Variants in ZNF385D observed in about 807,000 individuals in gnomAD.
ZNF385D encodes zinc finger protein 385D.
Under a neutral mutation model 35.8 loss-of-function variants are expected in ZNF385D, and 15 were observed. That is an observed-to-expected ratio of 0.42 (90% CI 0.28 to 0.64). The LOEUF (loss-of-function observed/expected upper bound fraction) is 0.64. Among genes scored for constraint, ZNF385D ranks in the 30% least tolerant of loss-of-function variants. ZNF385D has a pLI of 0.23. For synonymous variants in ZNF385D, 212 were observed against 186.8 expected, an observed-to-expected ratio of 1.13 and a Z score of -1.10; for missense variants, 474 against 494.6, an observed-to-expected ratio of 0.96 and a Z score of 0.39.
intron 2 of ZNF385D, among the ~76,000 whole-genome samples, chr3:22,261,685 G>C (rs139224234): frequency 6.6e-6 from 1 of 151,942 alleles, no homozygotes; most frequent in Non-Finnish European, 1.5e-5. Context: ...GAAGGTGGGG[G>C]GATGCGAGGT....
At chr3:21,676,286 T>G (rs1423025897) in intron 1 of ZNF385D, among the ~76,000 whole-genome samples, 1 of 152,142 alleles carries the variant, frequency 6.6e-6, no homozygotes, top group African/African-American at 2.4e-5. Context: ...ATACTCTGAT[T>G]TCAATTTCCT....
intron 3 of ZNF385D, among the ~76,000 whole-genome samples, chr3:22,030,845 A>C (rs964729729): frequency 6.6e-6 from 1 of 152,016 alleles, no homozygotes; most frequent in African/African-American, 2.4e-5. Context: ...CTACCTATGA[A>C]CCTGTAAAAT....
intron 2 of ZNF385D, among the ~76,000 whole-genome samples, chr3:21,571,885 C>A (rs967933304): frequency 2.2e-4 from 34 of 152,248 alleles, no homozygotes; most frequent in African/African-American, 8.2e-4. Context: ...ACGTCTTCTC[C>A]CCATGGAATC....
At chr3:22,317,319 GA>G (rs1276650322) in intron 2 of ZNF385D, among the ~76,000 whole-genome samples, 6 of 83,630 alleles carry the variant, frequency 7.2e-5, no homozygotes, top group African/African-American at 1.3e-4. Flanking sequence ...AAAAATAAAA[GA>G]AAAAAAAAGG....
chr3:22,245,935 G>T (rs1699753172), intron 2 of ZNF385D, among the ~76,000 whole-genome samples: 1 of 152,050 alleles, frequency 6.6e-6, no homozygotes, highest in African/African-American at 2.4e-5. Context: ...TAGATTAAGT[G>T]TCATGGCTTA....
Position 21,418,550 on chromosome 3 carries a change from A to G in ZNF385D, c.*2664T>C, listed in dbSNP as rs1700607273. On this transcript the variant is annotated 3_prime_UTR_variant, in exon 8 of 8. Coordinates refer to ENST00000281523, the MANE Select transcript of ZNF385D (RefSeq NM_024697.3). The stretch of plus-strand genomic sequence containing the variant: ...GAAGTGAGGCAGAAGGGATCCAGGT[A>G]TTTCTGAGATTTCTTATATGGCTGA... 6.6e-6 allele frequency: 1 copy of G among 152,196 alleles called. No individual in the cohort carries two copies. Among genetic ancestry groups the G allele is most frequent in the East Asian group, 1.9e-4 (1 of 5,194 alleles). 9.4% of individuals were successfully genotyped at this position (152,196 alleles called of 1,614,324 possible).
chr3:22,173,782 G>C (rs978613439), intron 2 of ZNF385D, among the ~76,000 whole-genome samples: 5 of 152,062 alleles, frequency 3.3e-5, no homozygotes, highest in African/African-American at 1.2e-4. Flanking sequence ...AGGCTCCCCA[G>C]CCCTCTGTGA....
intron 3 of ZNF385D, among the ~76,000 whole-genome samples, chr3:22,132,171 G>A (rs922586010): frequency 6.6e-6 from 1 of 152,104 alleles, no homozygotes; most frequent in Admixed American, 6.6e-5. Flanking sequence ...TGTGGTGATG[G>A]TATTTGGAGG....
chr3:22,117,315 C>T (rs906962001), intron 3 of ZNF385D, among the ~76,000 whole-genome samples: 1 of 151,956 alleles, frequency 6.6e-6, no homozygotes, highest in Admixed American at 6.6e-5. Context: ...ATGTTCCTTC[C>T]AAGATAAGCA....
intron 2 of ZNF385D, among the ~76,000 whole-genome samples, chr3:22,351,328 C>T (rs80223068): frequency 6.6e-6 from 1 of 152,116 alleles, no homozygotes; most frequent in East Asian, 1.9e-4. Context: ...TGTTTTTTCT[C>T]CTTAGACCAT....
In ZNF385D at chr3:22,346,101, C is replaced by T. The variant is rs545809376; in HGVS notation, c.106+26349G>A. Among the ~76,000 whole-genome samples, 244 of 152,284 alleles carry T rather than the reference C, an allele frequency of 1.6e-3. 4 individuals are homozygous for T. In the South Asian group the frequency reaches 0.049, roughly 30 times the overall value. On this transcript the variant is annotated intron_variant, in intron 2 of 5. Transcript: ENST00000494108. ...TGAGCTGAAAATGGAAATTGAATGT[C>T]TGCTTTACTCCCTTGGCACTCCCTG...
rs940622857 is a variant in ZNF385D at position 21,520,481 on chromosome 3, G to T, written c.277-9458C>A. Reference sequence around the variant, plus strand: ...TGAACAGGGTTTAACTTAATTCTCTGTCATTCTTTGGCACTTCGCCTTATC... The same window carrying T: ...TGAACAGGGTTTAACTTAATTCTCTTTCATTCTTTGGCACTTCGCCTTATC... On this transcript the variant is annotated intron_variant, in intron 3 of 7. Transcript: ENST00000281523. Among the ~76,000 whole-genome samples, 3 of 152,164 alleles carry T rather than the reference G, an allele frequency of 2.0e-5. No homozygotes were observed. In the East Asian group the frequency reaches 5.8e-4, roughly 29 times the overall value.
chr3:21,632,628 G>T (rs1257688298), intron 2 of ZNF385D, among the ~76,000 whole-genome samples: 4 of 152,100 alleles, frequency 2.6e-5, no homozygotes, highest in African/African-American at 7.2e-5. Context: ...ATACAAATTG[G>T]ACCCACGGAG....
At chr3:22,072,023 C>A (rs749490475) in intron 3 of ZNF385D, among the ~76,000 whole-genome samples, 1 of 152,000 alleles carries the variant, frequency 6.6e-6, no homozygotes, top group Non-Finnish European at 1.5e-5. Flanking sequence ...TTGAGATGAG[C>A]AATAATTTAT....
chr3:21,499,056 G>A (rs552655640), intron 4 of ZNF385D, among the ~76,000 whole-genome samples: 2 of 151,710 alleles, frequency 1.3e-5, no homozygotes, highest in Non-Finnish European at 1.5e-5. Flanking sequence ...CAGCCATGAT[G>A]GAAAGCAGTC....
In ZNF385D at chr3:21,537,465, C is replaced by T. The variant is rs78565820; in HGVS notation, c.277-26442G>A. Among the ~76,000 whole-genome samples, 1,081 of 152,010 alleles carry T rather than the reference C, an allele frequency of 7.1e-3. 13 individuals are homozygous for T. The highest frequency in any genetic ancestry group is 0.024 in the African/African-American group (981 of 41,482). On this transcript the variant is annotated intron_variant, in intron 3 of 7. Coordinates refer to ENST00000281523, the MANE Select transcript of ZNF385D (RefSeq NM_024697.3). ...CGGCCCAACATTTTTTAAAAAGACACGATGTGACCCTGTGCTAGTACAACC... is the reference window on the plus strand; with the variant it reads ...CGGCCCAACATTTTTTAAAAAGACATGATGTGACCCTGTGCTAGTACAACC...
chr3:22,029,744 GTGCATTTC>G (rs1697808540), intron 3 of ZNF385D, among the ~76,000 whole-genome samples: 1 of 152,048 alleles, frequency 6.6e-6, no homozygotes, highest in African/African-American at 2.4e-5. Flanking sequence ...TTGGGGATTG[GTGCATTTC>G]TAGTTGTATG....
chr3:21,770,102 A>G (rs1162106848), intron 3 of ZNF385D, among the ~76,000 whole-genome samples: 1 of 152,184 alleles, frequency 6.6e-6, no homozygotes, highest in Non-Finnish European at 1.5e-5. Context: ...TGGATTAAAG[A>G]CTTACATGTT....
At chr3:22,194,232 C>T (rs1401262821) in intron 2 of ZNF385D, among the ~76,000 whole-genome samples, 1 of 151,490 alleles carries the variant, frequency 6.6e-6, no homozygotes, top group South Asian at 2.1e-4. Context: ...GCCATTTTTG[C>T]CAAAATTAAA....
Sources: allele counts gnomAD v4.1 joint callset (sites outside exome capture counted in the v4.1 genomes callset), GRCh38; gene constraint gnomAD v4.1.1; transcripts MANE v1.5; gene names NCBI Gene and HGNC (gene_info 2026-07-23, HGNC 2026-07-21).